Variants in PTGER3 observed in about 807,000 individuals in gnomAD.
PTGER3 encodes the protein prostaglandin E receptor 3.
Under a neutral mutation model 34.7 loss-of-function variants are expected in PTGER3, and 22 were observed. The observed-to-expected ratio is 0.63, with a 90% CI of 0.45 to 0.91. PTGER3 has a LOEUF of 0.91. Ranked by LOEUF, PTGER3 falls within the 40% of genes least tolerant of loss-of-function variation. The pLI, the probability that PTGER3 is intolerant of heterozygous loss-of-function variation, is 0.00. For missense variants in PTGER3, 468 were observed against 519.4 expected (o/e 0.90, Z 0.96); for synonymous variants, 241 against 230.1 (o/e 1.05, Z -0.43).
intron 4 of PTGER3, among the ~76,000 whole-genome samples, chr1:70,937,225 A>G (rs1318840016): frequency 6.6e-6 from 1 of 152,204 alleles, no homozygotes; most frequent in Non-Finnish European, 1.5e-5. Flanking sequence ...TACTTATGGC[A>G]GTTGAAAATT....
intron 4 of PTGER3, among the ~76,000 whole-genome samples, chr1:70,894,183 C>T (rs1007935207): frequency 2.8e-4 from 42 of 151,892 alleles, no homozygotes; most frequent in Non-Finnish European, 5.0e-4. Flanking sequence ...GTGGTGGGCA[C>T]CTGTAATCCC....
intron 4 of PTGER3, among the ~76,000 whole-genome samples, chr1:70,895,550 G>C (rs1033084944): frequency 1.3e-5 from 2 of 152,190 alleles, no homozygotes; most frequent in African/African-American, 4.8e-5. Context: ...ACACAGAGCT[G>C]AAATTCAGAC....
At chr1:71,033,096 C>A (rs1007516467) in intron 1 of PTGER3, among the ~76,000 whole-genome samples, 7 of 152,130 alleles carry the variant, frequency 4.6e-5, no homozygotes, top group African/African-American at 1.7e-4. Flanking sequence ...TTCTCTCTTC[C>A]TAGTTGTGTA....
At chr1:70,968,062 C>T (rs1652711113), downstream of PTGER3, among the ~76,000 whole-genome samples, 1 of 152,130 alleles carries the variant, frequency 6.6e-6, no homozygotes, top group Non-Finnish European at 1.5e-5. Flanking sequence ...TACCCTGGTC[C>T]AACCTCTCTT....
chr1:70,895,727 T>G (rs955918893), intron 4 of PTGER3, among the ~76,000 whole-genome samples: 1 of 152,134 alleles, frequency 6.6e-6, no homozygotes, highest in Non-Finnish European at 1.5e-5. Flanking sequence ...CTGACATAAT[T>G]TTAGGTACAG....
At chr1:70,911,300 T>G (rs1007436133) in intron 4 of PTGER3, among the ~76,000 whole-genome samples, 3 of 151,578 alleles carry the variant, frequency 2.0e-5, no homozygotes, top group Non-Finnish European at 4.4e-5. Context: ...TCAGTCATAC[T>G]AATGCATGAA....
At chr1:70,907,815 A>G (rs1367879859) in intron 4 of PTGER3, among the ~76,000 whole-genome samples, 1 of 152,222 alleles carries the variant, frequency 6.6e-6, no homozygotes, top group Non-Finnish European at 1.5e-5. Context: ...GGTCTGTTTC[A>G]GAGATGGGTG....
At chr1:71,040,108 GAAAGAAAGAAAAA>G (rs898950297) in intron 1 of PTGER3, among the ~76,000 whole-genome samples, 19 of 122,574 alleles carry the variant, frequency 1.6e-4, no homozygotes, top group South Asian at 5.3e-4. Flanking sequence ...AGGAAAGAAA[GAAAGAAAGAAAAA>G]AAAGAAAGAG....
intron 4 of PTGER3, among the ~76,000 whole-genome samples, chr1:70,912,117 T>A (rs1391107824): frequency 1.3e-5 from 2 of 152,126 alleles, no homozygotes; most frequent in Admixed American, 1.3e-4. Flanking sequence ...CTCGAAGTTA[T>A]GGTAACTCGG....
At chr1:70,904,238 T>C (rs1646900119) in intron 4 of PTGER3, among the ~76,000 whole-genome samples, 1 of 152,200 alleles carries the variant, frequency 6.6e-6, no homozygotes, top group Non-Finnish European at 1.5e-5. Flanking sequence ...TCTCTTTATT[T>C]TGTAAATTTC....
chr1:70,990,955 A>G (rs1026439664), intron 2 of PTGER3, among the ~76,000 whole-genome samples: 11 of 152,230 alleles, frequency 7.2e-5, no homozygotes, highest in African/African-American at 2.7e-4. Flanking sequence ...TGCTCAAAAG[A>G]AAGCAGGTTA....
chr1:70,873,124 T>G (rs1033486953), intron 4 of PTGER3, among the ~76,000 whole-genome samples: 1 of 152,222 alleles, frequency 6.6e-6, no homozygotes, highest in African/African-American at 2.4e-5. Context: ...TTTAAGTGTC[T>G]TTTGGTTTTC....
At chr1:71,028,333 C>T (rs926506138) in intron 1 of PTGER3, among the ~76,000 whole-genome samples, 2 of 152,132 alleles carry the variant, frequency 1.3e-5, no homozygotes, top group East Asian at 1.9e-4. Context: ...GGGAACAAGC[C>T]GTAGGATGAA....
chr1:70,922,324 A>T (rs1647610599), intron 4 of PTGER3, among the ~76,000 whole-genome samples: 1 of 151,806 alleles, frequency 6.6e-6, no homozygotes, highest in African/African-American at 2.4e-5. Flanking sequence ...ATGACAAGTC[A>T]GAAAGTCCAA....
At chr1:71,038,046 A>G (rs1659988986) in intron 1 of PTGER3, among the ~76,000 whole-genome samples, 2 of 152,258 alleles carry the variant, frequency 1.3e-5, no homozygotes, top group South Asian at 4.1e-4. Flanking sequence ...TCAAACAGCA[A>G]TTAGTGCTCC....
chr1:70,879,963 C>T (rs13375936), intron 4 of PTGER3, among the ~76,000 whole-genome samples: 3,428 of 151,912 alleles, frequency 0.023, 120 homozygotes, highest in African/African-American at 0.078. Context: ...CGTGGTGGTG[C>T]GTACCTGCAG....
downstream of PTGER3, chr1:70,950,724 A>G (rs891555535): frequency 6.6e-6 from 1 of 151,628 alleles, no homozygotes; most frequent in South Asian, 2.1e-4. Flanking sequence ...TTTTTATTTT[A>G]TTTTTTTTAG....
intron 2 of PTGER3, among the ~76,000 whole-genome samples, chr1:70,957,132 C>G (rs183158227): frequency 2.0e-5 from 3 of 152,168 alleles, no homozygotes; most frequent in East Asian, 3.8e-4. Flanking sequence ...AACTATTAAC[C>G]TCTGTTTTCG....
intron 4 of PTGER3, among the ~76,000 whole-genome samples, chr1:70,876,998 A>C (rs6661453): frequency 0.12 from 18,283 of 152,168 alleles, 2,365 homozygotes; most frequent in African/African-American, 0.3. Context: ...GAAGAATTTC[A>C]TTGGTAGTTT....
Sources: gnomAD v4.1 joint callset for allele counts (sites outside exome capture counted in the v4.1 genomes callset) on GRCh38, gnomAD v4.1.1 for gene constraint, MANE v1.5 for transcripts, NCBI Gene and HGNC (gene_info 2026-07-23, HGNC 2026-07-21) for gene names.